The following ALK variants were observed in gnomAD, a reference collection of about 807,000 sequenced individuals.
ALK encodes ALK tyrosine kinase receptor.
In ALK, 74 loss-of-function variants were observed where a neutral mutation model predicts 163.1. That is an observed-to-expected ratio of 0.45 (90% CI 0.38 to 0.55). The LOEUF (loss-of-function observed/expected upper bound fraction) is 0.55. Ranked by LOEUF, ALK falls within the 20% of genes least tolerant of loss-of-function variation. ALK has a pLI of 0.00. For missense variants in ALK, 2,063 were observed against 2,105.3 expected (o/e 0.98, Z 0.39); for synonymous variants, 960 against 843.2 (o/e 1.14, Z -2.40).
At chr2:29,845,079 C>G (rs192320449) in intron 1 of ALK, among the ~76,000 whole-genome samples, 1 of 152,296 alleles carries the variant, frequency 6.6e-6, no homozygotes, top group African/African-American at 2.4e-5. Context: ...TTACTCATTT[C>G]CTGTCTCCAG....
chr2:29,532,117 C>G lies in ALK; in HGVS notation c.953-1G>C, dbSNP rs1673137410. 6.2e-7 allele frequency: 1 copy of G among 1,613,750 alleles called. No homozygotes were observed. The highest frequency in any genetic ancestry group is 8.5e-7 in the Non-Finnish European group (1 of 1,179,960). On this transcript the variant is annotated splice_acceptor_variant, in intron 3 of 28. Coordinates refer to ENST00000389048, the MANE Select transcript of ALK (RefSeq NM_004304.5). LOFTEE classifies it high-confidence loss of function. ...GAGGTGTTGAGAAGGAGAAAGGAGCCTGGAAAGAGACAGGGAAAACGAATC... is the reference window on the plus strand; with the variant it reads ...GAGGTGTTGAGAAGGAGAAAGGAGCGTGGAAAGAGACAGGGAAAACGAATC...
chr2:29,480,743 G>A lies in ALK; in HGVS notation c.1154+51172C>T, dbSNP rs1157602921. Among the ~76,000 whole-genome samples the A allele has an allele frequency of 2.2e-5, 3 of 139,294 alleles. No homozygotes were observed. In the East Asian group the frequency reaches 6.4e-4, roughly 30 times the overall value. 91.4% of individuals were successfully genotyped at this position (139,294 alleles called of 152,430 possible). Reference sequence around the variant, plus strand: ...TACAGGCACTCTCCAGCAACACGCAGGCAGATGCAAAAGTGGGAACTCAGA... The same window carrying A: ...TACAGGCACTCTCCAGCAACACGCAAGCAGATGCAAAAGTGGGAACTCAGA... On this transcript the variant is annotated intron_variant, in intron 4 of 28. Transcript: ENST00000389048.
At chr2:29,828,515 C>T (rs1665263986) in intron 1 of ALK, among the ~76,000 whole-genome samples, 2 of 152,134 alleles carry the variant, frequency 1.3e-5, no homozygotes, top group African/African-American at 2.4e-5. Context: ...TATGAACAGA[C>T]ACTTCTCAAA....
intron 4 of ALK, among the ~76,000 whole-genome samples, chr2:29,516,587 C>T (rs748748328): frequency 6.6e-6 from 1 of 152,218 alleles, no homozygotes; most frequent in African/African-American, 2.4e-5. Context: ...GGAGCCACCT[C>T]TCTACATCTC....
intron 2 of ALK, among the ~76,000 whole-genome samples, chr2:29,707,009 G>GTGTGTGTA (rs1308837433): frequency 2.0e-5 from 3 of 150,934 alleles, no homozygotes; most frequent in Non-Finnish European, 4.4e-5. Flanking sequence ...GTGTGTGTGT[G>GTGTGTGTA]TGTGTGTGTG....
chr2:29,795,958 C>T (rs1226336593), intron 1 of ALK, among the ~76,000 whole-genome samples: 2 of 152,128 alleles, frequency 1.3e-5, no homozygotes, highest in Non-Finnish European at 2.9e-5. Context: ...CAACGGCCTT[C>T]GAACTGCTTT....
At position 29,808,566 on chromosome 2, in the gene ALK, T is replaced by C. The variant is rs115862091; in HGVS notation, c.668-90869A>G. Among the ~76,000 whole-genome samples, 749 of 152,284 alleles carry C rather than the reference T, an allele frequency of 4.9e-3. 6 individuals carry two copies. Among genetic ancestry groups the C allele is most frequent in the African/African-American group, 0.017 (714 of 41,556 alleles). On this transcript the variant is annotated intron_variant, in intron 1 of 28. Transcript: ENST00000389048. The stretch of plus-strand genomic sequence containing the variant: ...AGATAGAGTGAGCTGAGACCCAGGA[T>C]ACCTATCAGATGGAAAAACAGACAA...
At chr2:29,226,610 T>C (rs998034813) in intron 18 of ALK, among the ~76,000 whole-genome samples, 2 of 151,954 alleles carry the variant, frequency 1.3e-5, no homozygotes, top group African/African-American at 2.4e-5. Context: ...GCTCTGAAAC[T>C]GCCCAAGGGA....
intron 12 of ALK, among the ~76,000 whole-genome samples, chr2:29,245,206 C>T (rs1664630069): frequency 6.7e-6 from 1 of 148,478 alleles, no homozygotes; most frequent in South Asian, 2.2e-4. Context: ...CTTTATGGCT[C>T]AGTGTCCTGC....
intron 3 of ALK, among the ~76,000 whole-genome samples, chr2:29,671,437 G>C (rs965928720): frequency 5.9e-5 from 9 of 152,042 alleles, no homozygotes; most frequent in Non-Finnish European, 1.2e-4. Context: ...GGAGACGGCA[G>C]TCCTACCTTT....
chr2:29,426,078 G>A (rs1421920157), intron 4 of ALK, among the ~76,000 whole-genome samples: 2 of 152,206 alleles, frequency 1.3e-5, no homozygotes, highest in Non-Finnish European at 2.9e-5. Context: ...ATAATCAGCT[G>A]ACAATTAGTA....
chr2:29,559,364 G>C (rs774189879), intron 3 of ALK, among the ~76,000 whole-genome samples: 44 of 152,212 alleles, frequency 2.9e-4, no homozygotes, highest in Non-Finnish European at 5.1e-4. Flanking sequence ...GATTAAATAG[G>C]TAGGAGAAGC....
At chr2:29,563,904 C>A (rs1165184938) in intron 3 of ALK, among the ~76,000 whole-genome samples, 1 of 152,156 alleles carries the variant, frequency 6.6e-6, no homozygotes, top group African/African-American at 2.4e-5. Flanking sequence ...AGAAGTTATG[C>A]AACCCTTTTA....
At chr2:29,402,956 T>C (rs1008021498) in intron 4 of ALK, among the ~76,000 whole-genome samples, 1 of 152,168 alleles carries the variant, frequency 6.6e-6, no homozygotes, top group Non-Finnish European at 1.5e-5. Context: ...TTCTGTAGGT[T>C]GTGGCTCAAA....
intron 2 of ALK, among the ~76,000 whole-genome samples, chr2:29,705,240 A>AATATATATATAC (rs1678863385): frequency 2.1e-5 from 1 of 47,122 alleles, no homozygotes; most frequent in African/African-American, 5.9e-5. Flanking sequence ...AAAGAAAAGA[A>AATATATATATAC]ATATATATAT....
chr2:29,882,082 T>A (rs939885278), intron 1 of ALK, among the ~76,000 whole-genome samples: 1 of 152,128 alleles, frequency 6.6e-6, no homozygotes, highest in Non-Finnish European at 1.5e-5. Context: ...AGGGACTCCG[T>A]CTGAGGTTGC....
chr2:29,584,549 T>C (rs183061099), intron 3 of ALK, among the ~76,000 whole-genome samples: 5 of 152,254 alleles, frequency 3.3e-5, no homozygotes, highest in East Asian at 3.9e-4. Flanking sequence ...ATCCAAAAAA[T>C]AGGACTATTC....
intron 3 of ALK, among the ~76,000 whole-genome samples, chr2:29,591,091 A>AC (rs1675044523): frequency 6.7e-6 from 1 of 150,210 alleles, no homozygotes; most frequent in African/African-American, 2.5e-5. Context: ...AAAAAAAAAA[A>AC]AAAAAAAAAT....
chr2:29,571,377 G>C (rs1177535512), intron 3 of ALK, among the ~76,000 whole-genome samples: 1 of 152,132 alleles, frequency 6.6e-6, no homozygotes, highest in Admixed American at 6.5e-5. Context: ...GAGGTGATTG[G>C]ATCATGGGGG....
Sources: gnomAD v4.1 joint callset for allele counts (sites outside exome capture counted in the v4.1 genomes callset) on GRCh38, gnomAD v4.1.1 for gene constraint, MANE v1.5 for transcripts, NCBI Gene and HGNC (gene_info 2026-07-23, HGNC 2026-07-21) for gene names.